The following SLC9C1 variants were observed in gnomAD, a reference collection of about 807,000 sequenced individuals.
The protein encoded by SLC9C1 is solute carrier family 9 member C1.
A neutral mutation model predicts 140.9 loss-of-function variants in SLC9C1; 97 were observed. The ratio of observed to expected loss-of-function variants is 0.69; its 90% CI spans 0.58 to 0.82. The LOEUF is 0.82. SLC9C1 is among the 40% of genes least tolerant of loss of function. The pLI, the probability that SLC9C1 is intolerant of heterozygous loss-of-function variation, is 0.00. For synonymous variants in SLC9C1, 440 were observed against 442.6 expected (o/e 0.99, Z 0.07); for missense variants, 1,340 against 1,389.3 (o/e 0.96, Z 0.56).
At chr3:112,204,191 A>C in intron 17 of SLC9C1, 27 bp downstream of exon 17, 1 of 1,442,532 alleles carries the variant, frequency 6.9e-7, no homozygotes, top group Non-Finnish European at 9.1e-7. Flanking sequence ...TAGGAATTAG[A>C]AATTGCACGA....
chr3:112,275,887 T>C (rs2080200144), intron 5 of SLC9C1, among the ~76,000 whole-genome samples: 1 of 142,404 alleles, frequency 7.0e-6, no homozygotes, highest in South Asian at 2.3e-4. Flanking sequence ...ATCTAGTTTG[T>C]TTTTTTATGA....
chr3:112,263,942 A>G (rs962664041), intron 9 of SLC9C1, among the ~76,000 whole-genome samples: 6 of 151,874 alleles, frequency 4.0e-5, no homozygotes, highest in African/African-American at 1.4e-4. Flanking sequence ...AACTTCATGA[A>G]ATGTCATTAC....
chr3:112,273,638 G>C (rs939179962), intron 6 of SLC9C1, among the ~76,000 whole-genome samples: 28 of 152,230 alleles, frequency 1.8e-4, no homozygotes, highest in Middle Eastern at 3.4e-3. Context: ...TTTAGGATAA[G>C]GCAGGAATAG....
rs529502333 is a variant in SLC9C1 at position 112,289,200 on chromosome 3, T to C, written c.-87-2322A>G. Among the ~76,000 whole-genome samples the C allele has an allele frequency of 2.6e-5, 4 of 152,340 alleles. No homozygotes were observed. In the East Asian group the frequency reaches 7.7e-4, roughly 29 times the overall value. ...CCAAATGTTACCAGAAATACATCTG[T>C]AGTTAACAAGTTTTGTTTGTTATTT... On this transcript the variant is annotated intron_variant, in intron 1 of 28. Coordinates refer to ENST00000305815, the MANE Select transcript of SLC9C1 (RefSeq NM_183061.3).
chr3:112,150,447 T>C (rs186895253), intron 28 of SLC9C1, among the ~76,000 whole-genome samples: 83 of 152,230 alleles, frequency 5.5e-4, no homozygotes, highest in South Asian at 3.5e-3. Context: ...CACTCACTTT[T>C]ATGAGGTAGA....
chr3:112,225,718 G>C (rs1317063675), intron 13 of SLC9C1, among the ~76,000 whole-genome samples: 1 of 151,544 alleles, frequency 6.6e-6, no homozygotes, highest in Non-Finnish European at 1.5e-5. Flanking sequence ...TGAAAGTGAA[G>C]GGATGAAAAA....
At chr3:112,145,121 G>A (rs558843604) in intron 28 of SLC9C1, among the ~76,000 whole-genome samples, 83 of 152,230 alleles carry the variant, frequency 5.5e-4, no homozygotes, top group African/African-American at 1.9e-3. Flanking sequence ...ATTATTTTGA[G>A]GTGTGTCCCT....
chr3:112,247,783 A>G (rs1283249875), intron 10 of SLC9C1, among the ~76,000 whole-genome samples: 1 of 152,096 alleles, frequency 6.6e-6, no homozygotes, highest in Non-Finnish European at 1.5e-5. Flanking sequence ...GAACTTTGTC[A>G]AGAATGAGTA....
intron 10 of SLC9C1, among the ~76,000 whole-genome samples, chr3:112,252,321 G>A (rs2079484279): frequency 6.6e-6 from 1 of 152,062 alleles, no homozygotes; most frequent in Non-Finnish European, 1.5e-5. Flanking sequence ...AGAATTTCCT[G>A]ACCACAGTCT....
At chr3:112,173,126 T>G (rs1239900371) in intron 23 of SLC9C1, among the ~76,000 whole-genome samples, 2 of 152,216 alleles carry the variant, frequency 1.3e-5, no homozygotes, top group Non-Finnish European at 2.9e-5. Context: ...ATTCATATTA[T>G]TTCTTCCTGA....
chr3:112,239,722 C>T, intron 12 of SLC9C1, 118 bp downstream of exon 12: 1 of 1,048,532 alleles, frequency 9.5e-7, no homozygotes, highest in East Asian at 2.7e-5. Flanking sequence ...GAGTTATTAA[C>T]ATGACTTCTC....
intron 15 of SLC9C1, among the ~76,000 whole-genome samples, chr3:112,209,889 T>C (rs1387314320): frequency 6.6e-6 from 1 of 152,210 alleles, no homozygotes; most frequent in Non-Finnish European, 1.5e-5. Context: ...TTAATATTGA[T>C]AATATGACAA....
chr3:112,170,859 T>G lies in SLC9C1; in HGVS notation c.2920-1531A>C, dbSNP rs531352413. Among the ~76,000 whole-genome samples, 2 of 152,350 alleles carry G rather than the reference T, an allele frequency of 1.3e-5. 1 individual carries two copies. The highest frequency in any genetic ancestry group is 3.9e-4 in the East Asian group (2 of 5,188). On this transcript the variant is annotated intron_variant, in intron 23 of 28. Transcript: ENST00000305815. ...ACAAACTGTTTCAGACCAAAACCAC[T>G]GTTCAAATTAAAACTCTGTTTCAGA...
chr3:112,264,579 G>C (rs1364376898), intron 8 of SLC9C1, among the ~76,000 whole-genome samples: 3 of 151,904 alleles, frequency 2.0e-5, no homozygotes, highest in East Asian at 1.9e-4. Context: ...GTCAGTAAAA[G>C]ATCATAGAAT....
Position 112,240,511 on chromosome 3 carries a change from C to G in SLC9C1, c.1280-505G>C, listed in dbSNP as rs2079112469. ...CATTGTCTTTCCCAATGTGGGTGGG[C>G]CTCATCCAATCTGTTGGAGGCCTCA... On this transcript the variant is annotated intron_variant, in intron 11 of 28. Transcript: ENST00000305815. Among the ~76,000 whole-genome samples, 6 of 152,244 alleles carry G rather than the reference C, an allele frequency of 3.9e-5. No homozygotes were observed. The South Asian group carries it at 1.2e-3, about 32-fold the overall frequency.
chr3:112,164,288 G>C lies in SLC9C1; in HGVS notation c.3364+2933C>G, dbSNP rs977088525. On this transcript the variant is annotated intron_variant, in intron 26 of 28. Coordinates refer to ENST00000305815, the MANE Select transcript of SLC9C1 (RefSeq NM_183061.3). The stretch of plus-strand genomic sequence containing the variant: ...TCCATTTACATTTAAAGTTAATATT[G>C]TTTTGTGTGAATTTGATCCTGTCAT... Among the ~76,000 whole-genome samples, 22 of 148,234 alleles carry C rather than the reference G, an allele frequency of 1.5e-4. 2 individuals are homozygous for C. Among genetic ancestry groups the C allele is most frequent in the African/African-American group, 5.4e-4 (21 of 38,902 alleles).
chr3:112,292,956 T>A (rs570501679), intron 1 of SLC9C1, among the ~76,000 whole-genome samples: 1 of 151,944 alleles, frequency 6.6e-6, no homozygotes, highest in South Asian at 2.1e-4. Context: ...ATCACATAGG[T>A]CCTCTGCATT....
chr3:112,230,021 T>C (rs180752202), intron 13 of SLC9C1, among the ~76,000 whole-genome samples: 1 of 152,264 alleles, frequency 6.6e-6, no homozygotes, highest in East Asian at 1.9e-4. Flanking sequence ...CAAATGTTTG[T>C]AAAATACTCC....
At chr3:112,189,421 G>C (rs923812486) in intron 20 of SLC9C1, among the ~76,000 whole-genome samples, 23 of 152,192 alleles carry the variant, frequency 1.5e-4, no homozygotes, top group African/African-American at 5.3e-4. Flanking sequence ...ATGTAAGGAA[G>C]GGATCCAGTT....
Sources: gnomAD v4.1 joint callset for allele counts (sites outside exome capture counted in the v4.1 genomes callset) on GRCh38, gnomAD v4.1.1 for gene constraint, MANE v1.5 for transcripts, NCBI Gene and HGNC (gene_info 2026-07-23, HGNC 2026-07-21) for gene names.